Variants in SPTB observed in about 807,000 individuals in gnomAD.
SPTB encodes the protein spectrin beta, erythrocytic.
SPTB carries 45 observed loss-of-function variants against 256.2 expected under a neutral mutation model. The ratio of observed to expected loss-of-function variants is 0.18; its 90% CI spans 0.14 to 0.23. SPTB has a LOEUF of 0.23. Among genes scored for constraint, SPTB ranks in the 10% least tolerant of loss-of-function variants. The probability of loss-of-function intolerance (pLI) is 1.00; values close to 1 mark genes in which losing one functional copy is unlikely to be tolerated. For missense variants in SPTB, 2,715 were observed against 3,040.4 expected (o/e 0.89, Z 2.52); for synonymous variants, 1,231 against 1,243.1 (o/e 0.99, Z 0.21).
intron 33 of SPTB, 138 bp from the exon 34 acceptor site, chr14:64,750,292 A>G: frequency 1.1e-6 from 1 of 877,274 alleles, no homozygotes; most frequent in South Asian, 2.3e-5. Context: ...TTAAAAAATC[A>G]TCTGCATGTA....
intron 32 of SPTB, among the ~76,000 whole-genome samples, chr14:64,765,221 C>T (rs555703380): frequency 3.9e-5 from 6 of 152,142 alleles, no homozygotes; most frequent in African/African-American, 9.7e-5. Flanking sequence ...CAGGTTCAGG[C>T]GGGCTCACGG....
intron 2 of SPTB, among the ~76,000 whole-genome samples, chr14:64,811,800 T>G (rs962525351): frequency 6.6e-6 from 1 of 152,198 alleles, no homozygotes; most frequent in Admixed American, 6.5e-5. Context: ...CACTTATCAG[T>G]TGGGCAAAGA....
In SPTB at chr14:64,772,606, G is replaced by T. The variant is rs553755523; in HGVS notation, c.5527C>A (p.Arg1843=). Residue 1843 remains arginine (R), a synonymous_variant, in exon 26 of 36, where the codon CGG becomes AGG. Transcript: ENST00000644917. The surrounding 1 kb of genome is among the most constrained non-coding windows in gnomAD (Gnocchi z 5.4). Reference sequence around the variant, plus strand: ...TGGACACCCAGCAGGTGGAGCTCCCGCTCGAAGGCTGTGTGCACCCGGTGG... The same window carrying T: ...TGGACACCCAGCAGGTGGAGCTCCCTCTCGAAGGCTGTGTGCACCCGGTGG... ...SFHRVHTAFE[R]ELHLLGVQVQ... 15 of 1,610,198 alleles carry T rather than the reference G, an allele frequency of 9.3e-6. No individual in the cohort carries two copies. The highest frequency in any genetic ancestry group is 1.3e-5 in the Non-Finnish European group (15 of 1,179,902).
chr14:64,862,812 T>G (rs961550747), intron 1 of SPTB, among the ~76,000 whole-genome samples: 1 of 151,204 alleles, frequency 6.6e-6, no homozygotes, highest in African/African-American at 2.4e-5. Flanking sequence ...GAGGCGGAGG[T>G]TGCAGTGAGA....
At chr14:64,783,505 T>C (rs982898544) in intron 19 of SPTB, among the ~76,000 whole-genome samples, 1 of 152,188 alleles carries the variant, frequency 6.6e-6, no homozygotes, top group African/African-American at 2.4e-5. Flanking sequence ...CCTGGCCTAA[T>C]AGTTAATATT....
rs57385615 is a variant in SPTB at position 64,797,467 on chromosome 14, C to CAAAAAAA, written c.1182+255_1182+261dup. Among the ~76,000 whole-genome samples, 13 of 31,008 alleles carry CAAAAAAA rather than the reference C, an allele frequency of 4.2e-4. 1 individual carries two copies. The highest frequency in any genetic ancestry group is 7.2e-4 in the African/African-American group (6 of 8,306). The allele number at this position is 31,008 out of a possible 152,430, so 20.3% of individuals were successfully genotyped here. On this transcript the variant is annotated intron_variant, in intron 10 of 35. Coordinates refer to ENST00000644917, the MANE Select transcript of SPTB (RefSeq NM_001355436.2). The stretch of plus-strand genomic sequence containing the variant: ...GGGTGACAGAGTGAGACCCTGTCTC[C>CAAAAAAA]AAAAAAAAAAAAAAAAAAAAAAAAA...
chr14:64,855,387 A>C (rs918859796), intron 1 of SPTB, among the ~76,000 whole-genome samples: 3 of 152,354 alleles, frequency 2.0e-5, no homozygotes, highest in African/African-American at 4.8e-5. Context: ...TGACACTCTA[A>C]GAAGTTATTC....
Position 64,766,905 on chromosome 14 carries a change from T to C in SPTB, c.6270-104A>G, listed in dbSNP as rs1468629425. The C allele has an allele frequency of 5.8e-6, 8 of 1,368,540 alleles. No homozygotes were observed. The Admixed American group carries it at 1.0e-4, about 17-fold the overall frequency. 84.8% of individuals were successfully genotyped at this position (1,368,540 alleles called of 1,614,324 possible). On this transcript the variant is annotated intron_variant, in intron 31 of 35. Coordinates refer to ENST00000644917, the MANE Select transcript of SPTB (RefSeq NM_001355436.2). ...TGCGCCCACAGGGAGGAGCACCAAATAGCTCCCCCTCCAGTCAGCCGGCAG... is the reference window on the plus strand; with the variant it reads ...TGCGCCCACAGGGAGGAGCACCAAACAGCTCCCCCTCCAGTCAGCCGGCAG...
At position 64,800,850 on chromosome 14, in the gene SPTB, G is replaced by T; in HGVS notation, c.782C>A (p.Pro261His). 1 of 1,614,076 alleles carries T rather than the reference G, an allele frequency of 6.2e-7. No individual in the cohort carries two copies. The highest frequency in any genetic ancestry group is 1.3e-5 in the African/African-American group (1 of 75,054). Residue 261 changes from proline (P) to histidine (H), a missense_variant, in exon 8 of 36, where the codon CCT becomes CAT. Transcript: ENST00000644917. ...LDPEDVFTEN[P>H]DEKSIITYVV... is the part of the protein sequence containing the mutation. Reference sequence around the variant, plus strand: ...ATAGGTGATGATGGATTTCTCATCAGGGTTTTCCGTAAAGACATCTGTTAG... The same window carrying T: ...ATAGGTGATGATGGATTTCTCATCATGGTTTTCCGTAAAGACATCTGTTAG...
intron 33 of SPTB, among the ~76,000 whole-genome samples, chr14:64,750,950 TA>T (rs2081938317): frequency 8.5e-6 from 1 of 118,158 alleles, no homozygotes; most frequent in Non-Finnish European, 1.7e-5. Context: ...TACTATATAA[TA>T]CATATTTTAT....
chr14:64,766,945 G>C, intron 31 of SPTB, 144 bp from the exon 32 acceptor site: 1 of 1,088,998 alleles, frequency 9.2e-7, no homozygotes, highest in Non-Finnish European at 1.4e-6. Context: ...GATGGTGCTT[G>C]GCAAGGAGCC....
In SPTB at chr14:64,806,795, T is replaced by C. The variant is rs1229990003; in HGVS notation, c.149-1705A>G. On this transcript the variant is annotated intron_variant, in intron 2 of 35. Coordinates refer to ENST00000644917, the MANE Select transcript of SPTB (RefSeq NM_001355436.2). The surrounding 1 kb of genome is among the most constrained non-coding windows in gnomAD (Gnocchi z 4.1). ...ATTATAAATATGACGAGGGCTTGAG[T>C]CATACATGAAGAATGAAGAATTCTA... 6.6e-6 allele frequency among the ~76,000 whole-genome samples: 1 copy of C among 152,114 alleles called. No individual in the cohort carries two copies. Among genetic ancestry groups the C allele is most frequent in the Non-Finnish European group, 1.5e-5 (1 of 68,024 alleles).
chr14:64,851,875 G>C (rs188901960), intron 1 of SPTB, among the ~76,000 whole-genome samples: 45 of 152,104 alleles, frequency 3.0e-4, no homozygotes, highest in African/African-American at 8.0e-4. Context: ...GGGGGTGGAG[G>C]GGGGAGGGAG....
chr14:64,837,286 G>C (rs140285428), intron 1 of SPTB, among the ~76,000 whole-genome samples: 171 of 152,160 alleles, frequency 1.1e-3, no homozygotes, highest in African/African-American at 4.0e-3. Flanking sequence ...ATTTAATTAT[G>C]GAATCAAGAC....
chr14:64,811,864 C>T (rs1277600918), intron 2 of SPTB, among the ~76,000 whole-genome samples: 1 of 152,140 alleles, frequency 6.6e-6, no homozygotes, highest in Non-Finnish European at 1.5e-5. Context: ...AAAAAACATT[C>T]ATGTATTGCT....
intron 15 of SPTB, among the ~76,000 whole-genome samples, 195 bp from the exon 16 acceptor site, chr14:64,787,355 A>G (rs1030372523): frequency 2.0e-5 from 3 of 152,222 alleles, no homozygotes; most frequent in African/African-American, 7.2e-5. Context: ...TACTCAAGAC[A>G]TATATAACTG....
chr14:64,818,815 G>A (rs1253899508), intron 2 of SPTB, among the ~76,000 whole-genome samples: 1 of 152,180 alleles, frequency 6.6e-6, no homozygotes, highest in Non-Finnish European at 1.5e-5. Context: ...GAAACATGAA[G>A]GCTGGAACCT....
In SPTB at chr14:64,842,304, G is replaced by C. The variant is rs761427576; in HGVS notation, c.-51-19159C>G. Among the ~76,000 whole-genome samples, 31 of 142,548 alleles carry C rather than the reference G, an allele frequency of 2.2e-4. 1 individual carries two copies. The highest frequency in any genetic ancestry group is 4.4e-4 in the Admixed American group (6 of 13,558). The allele number at this position is 142,548 out of a possible 152,430, so 93.5% of individuals were successfully genotyped here. On this transcript the variant is annotated intron_variant, in intron 1 of 35. Transcript: ENST00000644917. Reference sequence around the variant, plus strand: ...TAGCAGTACTCCTTCGTTCAGCAAGGGCTGGAGCCAGTTTCCAGAAAGAGC... The same window carrying C: ...TAGCAGTACTCCTTCGTTCAGCAAGCGCTGGAGCCAGTTTCCAGAAAGAGC...
rs2082782955 is a variant in SPTB at position 64,796,989 on chromosome 14, T to TTA, written c.1183-275_1183-274insTA. ...GGCCCAAAATAATGTTTTTCACCTC[T>TTA]CTGGATGCTCAGTAAGTTCTTATTG... On this transcript the variant is annotated intron_variant, in intron 10 of 35. Transcript: ENST00000644917. This position sits in a 1 kb window ranked among gnomAD's most constrained non-coding sequence, Gnocchi z 4.1. 6.6e-6 allele frequency among the ~76,000 whole-genome samples: 1 copy of TTA among 152,210 alleles called. No individual in the cohort carries two copies.
Sources: gnomAD v4.1 joint callset for allele counts (sites outside exome capture counted in the v4.1 genomes callset) on GRCh38, gnomAD v4.1.1 for gene constraint, Gnocchi (gnomAD v3.1) non-coding constraint, MANE v1.5 for transcripts, NCBI Gene and HGNC (gene_info 2026-07-23, HGNC 2026-07-21) for gene names.